ARHGAP26: variants seen among roughly 807,000 people sequenced by gnomAD.
The protein encoded by ARHGAP26 is Rho GTPase activating protein 26, also known as rho GTPase-activating protein 26.
A neutral mutation model predicts 104.8 loss-of-function variants in ARHGAP26; 38 were observed. That is an observed-to-expected ratio of 0.36 (90% CI 0.28 to 0.48). The LOEUF is 0.48. Among genes scored for constraint, ARHGAP26 ranks in the 20% least tolerant of loss-of-function variants. The pLI is 0.99. For missense variants in ARHGAP26, 704 were observed against 947.9 expected (o/e 0.74, Z 3.38); for synonymous variants, 341 against 340.0 (o/e 1.00, Z -0.03).
At chr5:142,834,472 T>G (rs1769157606) in intron 1 of ARHGAP26, among the ~76,000 whole-genome samples, 1 of 152,264 alleles carries the variant, frequency 6.6e-6, no homozygotes, top group South Asian at 2.1e-4. Context: ...TTATCTATTA[T>G]GGTATAACAA....
At chr5:142,983,388 TAG>T (rs1309644070) in intron 11 of ARHGAP26, among the ~76,000 whole-genome samples, 3 of 152,192 alleles carry the variant, frequency 2.0e-5, no homozygotes, top group Non-Finnish European at 4.4e-5. Flanking sequence ...GTATTACTAG[TAG>T]AGACAGGTTT....
chr5:142,817,349 GGAGA>G (rs1251196160), intron 1 of ARHGAP26, among the ~76,000 whole-genome samples: 1 of 152,194 alleles, frequency 6.6e-6, no homozygotes, highest in Non-Finnish European at 1.5e-5. Context: ...TGAAAACAAG[GGAGA>G]GAGAAGAGGC....
chr5:142,950,114 A>G (rs1768078287), intron 11 of ARHGAP26, among the ~76,000 whole-genome samples: 1 of 152,178 alleles, frequency 6.6e-6, no homozygotes, highest in African/African-American at 2.4e-5. Flanking sequence ...ATAAAATACA[A>G]CCTTGTTTCT....
intron 17 of ARHGAP26, among the ~76,000 whole-genome samples, chr5:143,092,900 C>G (rs911082774): frequency 6.6e-6 from 1 of 152,142 alleles, no homozygotes; most frequent in African/African-American, 2.4e-5. Flanking sequence ...CAAGAGTTTC[C>G]TTATCACTTA....
intron 1 of ARHGAP26, among the ~76,000 whole-genome samples, chr5:142,777,347 C>T (rs1488655485): frequency 6.6e-6 from 1 of 152,170 alleles, no homozygotes; most frequent in Non-Finnish European, 1.5e-5. Context: ...CTAATTCTGG[C>T]CTGCATAAGC....
At chr5:142,910,956 G>T (rs1307139156) in intron 9 of ARHGAP26, among the ~76,000 whole-genome samples, 1 of 152,074 alleles carries the variant, frequency 6.6e-6, no homozygotes, top group African/African-American at 2.4e-5. Flanking sequence ...TAGATAATTG[G>T]GTGTTTTCTT....
In ARHGAP26 at chr5:143,014,110, G is replaced by T; in HGVS notation, c.1138G>T (p.Glu380Ter). Residue 380 changes from glutamate (E) to a stop codon, truncating the protein, a stop_gained, in exon 12 of 23, where the codon GAA becomes TAA. Coordinates refer to ENST00000645722, the MANE Select transcript of ARHGAP26 (RefSeq NM_001135608.3). LOFTEE classifies it high-confidence loss of function. ...CAACTCGAACAAAGACAGCCAGAGTGAAGGGAGTAAGTACGATGCTTGGGT... is the reference window on the plus strand; with the variant it reads ...CAACTCGAACAAAGACAGCCAGAGTTAAGGGAGTAAGTACGATGCTTGGGT... ...VYNSNKDSQS[E>*]GTAQLDSIGF... 6.2e-7 allele frequency: 1 copy of T among 1,614,186 alleles called. No homozygotes were observed. The highest frequency in any genetic ancestry group is 1.1e-5 in the South Asian group (1 of 91,080).
chr5:142,916,316 G>A (rs1171682865), intron 10 of ARHGAP26, among the ~76,000 whole-genome samples: 2 of 152,108 alleles, frequency 1.3e-5, no homozygotes, highest in Non-Finnish European at 1.5e-5. Flanking sequence ...AACAAAAGCT[G>A]TATCCTTTAG....
At chr5:142,959,831 C>T (rs1769914487) in intron 11 of ARHGAP26, among the ~76,000 whole-genome samples, 1 of 152,196 alleles carries the variant, frequency 6.6e-6, no homozygotes, top group Non-Finnish European at 1.5e-5. Flanking sequence ...GGAGGGAAAC[C>T]TCAGGGGAGC....
At chr5:142,883,952 T>G (rs1757352206) in intron 4 of ARHGAP26, among the ~76,000 whole-genome samples, 1 of 152,356 alleles carries the variant, frequency 6.6e-6, no homozygotes, top group South Asian at 2.1e-4. Context: ...GAGTGGTTGC[T>G]GATTATAAAT....
chr5:143,189,799 T>C (rs1420599921), intron 20 of ARHGAP26, among the ~76,000 whole-genome samples: 2 of 152,344 alleles, frequency 1.3e-5, no homozygotes, highest in East Asian at 3.9e-4. Context: ...CCACCCTACC[T>C]TGAAGCCTAC....
rs10610584 is a variant in ARHGAP26, at chr5:143,168,445, C to CTTTTTTTTTTTTTTTTTTTTTTTTTTTTT, written c.1988+21067_1988+21095dup. 7 of 25,708 alleles carry CTTTTTTTTTTTTTTTTTTTTTTTTTTTTT rather than the reference C, an allele frequency of 2.7e-4. 3 individuals carry two copies. Among genetic ancestry groups the CTTTTTTTTTTTTTTTTTTTTTTTTTTTTT allele is most frequent in the Non-Finnish European group, 4.8e-4 (7 of 14,546 alleles). 1.6% of individuals were successfully genotyped at this position (25,708 alleles called of 1,614,324 possible). Reference sequence around the variant, plus strand: ...CAAATAGACCTCACCATCTGGAACTCTTTTTTTTTTTTTTTTTTTTTTTTT... The same window carrying CTTTTTTTTTTTTTTTTTTTTTTTTTTTTT: ...CAAATAGACCTCACCATCTGGAACTCTTTTTTTTTTTTTTTTTTTTTTTTTTTTTTTTTTTTTTTTTTTTTTTTTTTTTT... On this transcript the variant is annotated intron_variant, in intron 20 of 22. Coordinates refer to ENST00000645722, the MANE Select transcript of ARHGAP26 (RefSeq NM_001135608.3).
intron 11 of ARHGAP26, among the ~76,000 whole-genome samples, chr5:143,003,196 T>C (rs983684493): frequency 2.0e-5 from 3 of 152,212 alleles, no homozygotes; most frequent in African/African-American, 7.2e-5. Flanking sequence ...AATGGCCTAC[T>C]CCTTCACTGG....
At chr5:143,072,735 A>G (rs548074807) in intron 17 of ARHGAP26, among the ~76,000 whole-genome samples, 1 of 152,224 alleles carries the variant, frequency 6.6e-6, no homozygotes, top group Non-Finnish European at 1.5e-5. Flanking sequence ...ACATAGAAGT[A>G]AAAAGTGAAA....
At chr5:143,115,420 A>T (rs192016895) in intron 17 of ARHGAP26, among the ~76,000 whole-genome samples, 122 of 149,030 alleles carry the variant, frequency 8.2e-4, no homozygotes, top group African/African-American at 2.8e-3. Context: ...AGTATTTCAT[A>T]TTTTTTTTTT....
chr5:143,106,444 C>T (rs1463226526), intron 17 of ARHGAP26, among the ~76,000 whole-genome samples: 4 of 141,344 alleles, frequency 2.8e-5, no homozygotes, highest in African/African-American at 1.0e-4. Context: ...AAGTGAACTC[C>T]TTTGGAATAC....
At chr5:142,844,701 A>G (rs537525530) in intron 1 of ARHGAP26, among the ~76,000 whole-genome samples, 10 of 151,840 alleles carry the variant, frequency 6.6e-5, no homozygotes, top group Non-Finnish European at 1.5e-4. Context: ...CTGTCAATAT[A>G]AAAATTAGCC....
chr5:142,806,504 TGTGTTTA>T (rs1428734106), intron 1 of ARHGAP26, among the ~76,000 whole-genome samples: 1 of 150,252 alleles, frequency 6.7e-6, no homozygotes, highest in Non-Finnish European at 1.5e-5. Flanking sequence ...TGTGTGTGTG[TGTGTTTA>T]GTTTAAGTTG....
chr5:142,967,865 C>T (rs1771646168), intron 11 of ARHGAP26, among the ~76,000 whole-genome samples: 1 of 152,112 alleles, frequency 6.6e-6, no homozygotes, highest in Admixed American at 6.6e-5. Flanking sequence ...GGTGGGTAAA[C>T]TGATAAAATC....
Sources: gnomAD v4.1 joint callset for allele counts (sites outside exome capture counted in the v4.1 genomes callset) on GRCh38, gnomAD v4.1.1 for gene constraint, MANE v1.5 for transcripts, NCBI Gene and HGNC (gene_info 2026-07-23, HGNC 2026-07-21) for gene names.